The following IGSF21 variants were observed in gnomAD, a reference collection of about 807,000 sequenced individuals.
IGSF21 encodes immunoglobulin superfamily member 21.
A neutral mutation model predicts 46.8 loss-of-function variants in IGSF21; 28 were observed. That is an observed-to-expected ratio of 0.60 (90% CI 0.44 to 0.82). The LOEUF is 0.82. IGSF21 is among the 40% of genes least tolerant of loss of function. IGSF21 has a pLI of 0.00. For synonymous variants in IGSF21, 284 were observed against 273.6 expected (o/e 1.04, Z -0.38); for missense variants, 624 against 665.5 (o/e 0.94, Z 0.69).
At chr1:18,375,574 C>T (rs552760877) in intron 6 of IGSF21, among the ~76,000 whole-genome samples, 40 of 152,244 alleles carry the variant, frequency 2.6e-4, no homozygotes, top group African/African-American at 9.4e-4. Flanking sequence ...AGAGGTGATA[C>T]AAGAAAGTGA....
chr1:18,302,503 T>C (rs1483887564), intron 3 of IGSF21, among the ~76,000 whole-genome samples: 1 of 152,128 alleles, frequency 6.6e-6, no homozygotes, highest in African/African-American at 2.4e-5. Flanking sequence ...TGACTTTCAG[T>C]CTTTGATTTT....
At chr1:18,182,778 A>G (rs963826404) in intron 1 of IGSF21, among the ~76,000 whole-genome samples, 3 of 152,146 alleles carry the variant, frequency 2.0e-5, no homozygotes, top group Non-Finnish European at 1.5e-5. Flanking sequence ...GGTCATCCGT[A>G]TAGGGGTGGG....
Position 18,320,327 on chromosome 1 carries a change from C to T in IGSF21, c.306-14565C>T, listed in dbSNP as rs148083721. ...CTGACCTTCCCCGCCTTCAGCACCA[C>T]GTAGCGCAGGACAGTCAAACATAAT... On this transcript the variant is annotated intron_variant, in intron 3 of 9. Transcript: ENST00000251296. Among the ~76,000 whole-genome samples, 40 of 136,140 alleles carry T rather than the reference C, an allele frequency of 2.9e-4. No homozygotes were observed. The East Asian group carries it at 6.4e-3, about 22-fold the overall frequency. 89.3% of individuals were successfully genotyped at this position (136,140 alleles called of 152,430 possible). A position where few individuals can be genotyped will look rare whatever the true frequency, so the allele number is the denominator to read the frequency against.
At chr1:18,336,356 G>T (rs1046903431) in intron 4 of IGSF21, among the ~76,000 whole-genome samples, 1 of 152,230 alleles carries the variant, frequency 6.6e-6, no homozygotes, top group African/African-American at 2.4e-5. Flanking sequence ...TGGGCTGAGT[G>T]CTTTACATGT....
chr1:18,333,303 T>A (rs544769030), intron 3 of IGSF21, among the ~76,000 whole-genome samples: 1 of 152,196 alleles, frequency 6.6e-6, no homozygotes, highest in African/African-American at 2.4e-5. Context: ...GGAACTCGCA[T>A]GAAGACAGAC....
At chr1:18,355,201 G>C (rs540506391) in intron 4 of IGSF21, among the ~76,000 whole-genome samples, 1 of 152,148 alleles carries the variant, frequency 6.6e-6, no homozygotes, top group Non-Finnish European at 1.5e-5. Context: ...ACACAGGTTT[G>C]GGGCAGATTT....
chr1:18,376,020 G>T (rs914838479), intron 6 of IGSF21: 10 of 335,688 alleles, frequency 3.0e-5, no homozygotes, highest in Admixed American at 2.6e-4. Flanking sequence ...CTTGTCTGTT[G>T]TTTGTCTTTC....
chr1:18,146,303 T>C lies in IGSF21; in HGVS notation c.70+38105T>C, dbSNP rs551824271. Among the ~76,000 whole-genome samples the C allele has an allele frequency of 8.5e-5, 13 of 152,206 alleles. No individual in the cohort carries two copies. In the South Asian group the frequency reaches 2.7e-3, roughly 32 times the overall value. On this transcript the variant is annotated intron_variant, in intron 1 of 9. Transcript: ENST00000251296. ...TAGCAGGGAGTGAGCGTCCATCAGT[T>C]TGAGGATGGTCCCTTCCTCTGCTTT...
chr1:18,319,682 A>G (rs547105710), intron 3 of IGSF21, among the ~76,000 whole-genome samples: 127 of 152,274 alleles, frequency 8.3e-4, no homozygotes, highest in African/African-American at 2.9e-3. Context: ...GCGATTGTGC[A>G]TTTGTTTCAT....
At chr1:18,198,391 C>T (rs2087030739) in intron 1 of IGSF21, among the ~76,000 whole-genome samples, 1 of 152,162 alleles carries the variant, frequency 6.6e-6, no homozygotes, top group Non-Finnish European at 1.5e-5. Context: ...TAGGGTGGCC[C>T]TGCCCATGCA....
chr1:18,287,014 T>C (rs1289000432), intron 2 of IGSF21, among the ~76,000 whole-genome samples: 1 of 151,276 alleles, frequency 6.6e-6, no homozygotes, highest in Non-Finnish European at 1.5e-5. Context: ...ACCCCGTCTC[T>C]ACTAAAAATA....
intron 3 of IGSF21, among the ~76,000 whole-genome samples, chr1:18,311,738 C>G (rs1327308657): frequency 6.6e-6 from 1 of 152,138 alleles, no homozygotes; most frequent in Admixed American, 6.5e-5. Flanking sequence ...TGGTGGCAGA[C>G]AAGAGAGAAT....
chr1:18,323,221 C>T lies in IGSF21; in HGVS notation c.306-11671C>T, dbSNP rs223223. On this transcript the variant is annotated intron_variant, in intron 3 of 9. Coordinates refer to ENST00000251296, the MANE Select transcript of IGSF21 (RefSeq NM_032880.5). The stretch of plus-strand genomic sequence containing the variant: ...TTGCCCACTGGTAAATCATGACTGG[C>T]AGGTCTGGGGTGTCCCTCTAGTCAG... 3.1e-3 allele frequency among the ~76,000 whole-genome samples: 478 copies of T among 152,110 alleles called. 1 individual carries two copies. The highest frequency in any genetic ancestry group is 8.3e-3 in the South Asian group (40 of 4,822).
At chr1:18,299,235 C>A (rs1220172769) in intron 3 of IGSF21, among the ~76,000 whole-genome samples, 1 of 152,166 alleles carries the variant, frequency 6.6e-6, no homozygotes, top group Non-Finnish European at 1.5e-5. Context: ...TATGGGCAGA[C>A]AATGGCTTCT....
intron 3 of IGSF21, among the ~76,000 whole-genome samples, chr1:18,317,062 A>G (rs2085550064): frequency 6.6e-6 from 1 of 152,186 alleles, no homozygotes; most frequent in Admixed American, 6.5e-5. Flanking sequence ...TGGGTGAGTC[A>G]CGTAATCTGA....
Position 18,228,001 on chromosome 1 carries a change from G to A in IGSF21, c.174G>A (p.Val58=), listed in dbSNP as rs760709689. 2 of 1,613,314 alleles carry A rather than the reference G, an allele frequency of 1.2e-6. No individual in the cohort carries two copies. The highest frequency in any genetic ancestry group is 8.5e-7 in the Non-Finnish European group (1 of 1,179,298). Residue 58 remains valine, a synonymous_variant, in exon 2 of 10, where the codon GTG becomes GTA. Coordinates refer to ENST00000251296, the MANE Select transcript of IGSF21 (RefSeq NM_032880.5). Reference sequence around the variant, plus strand: ...CAGATGGGCGCATGCGGGAGATCGTGTGGTACCGGGTAAGTCACTACTACT... The same window carrying A: ...CAGATGGGCGCATGCGGGAGATCGTATGGTACCGGGTAAGTCACTACTACT... The part of the protein sequence containing the change: ...FKTDGRMREI[V]WYRVTDGGTI...
chr1:18,164,395 G>A (rs182871121), intron 1 of IGSF21, among the ~76,000 whole-genome samples: 2 of 148,004 alleles, frequency 1.4e-5, no homozygotes, highest in South Asian at 2.2e-4. Context: ...TCCCTTTCCT[G>A]TCTTTCCCTC....
At chr1:18,181,493 C>T (rs1280999205) in intron 1 of IGSF21, among the ~76,000 whole-genome samples, 1 of 152,154 alleles carries the variant, frequency 6.6e-6, no homozygotes, top group Non-Finnish European at 1.5e-5. Context: ...ATAATACATG[C>T]TTCTGGCAGG....
At chr1:18,219,527 A>G (rs543753065) in intron 1 of IGSF21, among the ~76,000 whole-genome samples, 51 of 150,366 alleles carry the variant, frequency 3.4e-4, no homozygotes, top group African/African-American at 1.2e-3. Context: ...GATGGTGGCC[A>G]GGTGCAGAGA....
Sources: allele counts gnomAD v4.1 joint callset (sites outside exome capture counted in the v4.1 genomes callset), GRCh38; gene constraint gnomAD v4.1.1; transcripts MANE v1.5; gene names NCBI Gene and HGNC (gene_info 2026-07-23, HGNC 2026-07-21).